The following PTPRD variants were observed in gnomAD, a reference collection of about 807,000 sequenced individuals.
PTPRD encodes protein tyrosine phosphatase receptor type D, also known as receptor-type tyrosine-protein phosphatase delta.
PTPRD carries 34 observed loss-of-function variants against 214.5 expected under a neutral mutation model. The observed-to-expected ratio is 0.16, with a 90% confidence interval of 0.12 to 0.21. The LOEUF is 0.21. Ranked by LOEUF, PTPRD falls within the 10% of genes least tolerant of loss-of-function variation. The pLI is 1.00. For synonymous variants in PTPRD, 1,128 were observed against 845.7 expected (o/e 1.33, Z -5.79); for missense variants, 2,545 against 2,398.7 (o/e 1.06, Z -1.27).
intron 9 of PTPRD, among the ~76,000 whole-genome samples, chr9:9,298,806 T>C (rs947021575): frequency 6.6e-6 from 1 of 151,792 alleles, no homozygotes; most frequent in Non-Finnish European, 1.5e-5. Flanking sequence ...AGCTGTTCAA[T>C]AGAAGTTCAT....
chr9:8,932,916 T>C (rs2154284185), intron 11 of PTPRD, among the ~76,000 whole-genome samples: 1 of 152,122 alleles, frequency 6.6e-6, no homozygotes, highest in Non-Finnish European at 1.5e-5. Context: ...ACCACTGAGG[T>C]ATGAAAAACT....
intron 9 of PTPRD, among the ~76,000 whole-genome samples, chr9:9,229,639 T>C (rs963196459): frequency 1.2e-4 from 19 of 152,052 alleles, no homozygotes; most frequent in African/African-American, 4.6e-4. Context: ...CATGATGGAA[T>C]GAAACAACTC....
At chr9:9,221,110 T>C (rs2099955708) in intron 9 of PTPRD, among the ~76,000 whole-genome samples, 1 of 152,090 alleles carries the variant, frequency 6.6e-6, no homozygotes, top group Admixed American at 6.6e-5. Flanking sequence ...TTTTCAAGTA[T>C]CGGCCTGGAA....
intron 10 of PTPRD, among the ~76,000 whole-genome samples, chr9:9,061,991 G>C (rs2099708393): frequency 6.6e-6 from 1 of 151,892 alleles, no homozygotes; most frequent in Non-Finnish European, 1.5e-5. Flanking sequence ...AGATGCCTCT[G>C]AACATGAAAC....
chr9:9,822,168 T>C (rs1175699081), intron 5 of PTPRD, among the ~76,000 whole-genome samples: 1 of 150,674 alleles, frequency 6.6e-6, no homozygotes, highest in East Asian at 1.9e-4. Context: ...TTTTTCGCAC[T>C]TTGGGAGGCT....
At chr9:8,930,042 T>C (rs1179662572) in intron 11 of PTPRD, among the ~76,000 whole-genome samples, 1 of 151,772 alleles carries the variant, frequency 6.6e-6, no homozygotes, top group Non-Finnish European at 1.5e-5. Flanking sequence ...ACATGTACCA[T>C]GTTGGTGTGC....
intron 3 of PTPRD, among the ~76,000 whole-genome samples, chr9:10,293,259 A>C (rs1344226220): frequency 6.6e-6 from 1 of 151,950 alleles, no homozygotes; most frequent in Non-Finnish European, 1.5e-5. Context: ...AGGTATAGAA[A>C]AAAAATTGGA....
At chr9:10,440,803 C>T (rs1314386160) in intron 2 of PTPRD, among the ~76,000 whole-genome samples, 1 of 151,656 alleles carries the variant, frequency 6.6e-6, no homozygotes, top group African/African-American at 2.4e-5. Flanking sequence ...AACACAAATC[C>T]TGTCTGGATC....
intron 3 of PTPRD, among the ~76,000 whole-genome samples, chr9:10,156,895 T>G (rs980921808): frequency 1.4e-4 from 22 of 152,214 alleles, no homozygotes; most frequent in African/African-American, 5.3e-4. Context: ...AACACCCTTC[T>G]TTGTCTTTTT....
intron 2 of PTPRD, among the ~76,000 whole-genome samples, chr9:10,468,539 C>A (rs2071253015): frequency 6.6e-6 from 1 of 152,224 alleles, no homozygotes; most frequent in South Asian, 2.1e-4. Flanking sequence ...AAAAGAAATA[C>A]TTAATGTAGA....
chr9:10,043,285 A>G (rs2097329645), intron 3 of PTPRD, among the ~76,000 whole-genome samples: 1 of 152,000 alleles, frequency 6.6e-6, no homozygotes, highest in African/African-American at 2.4e-5. Flanking sequence ...AGTGAATAAA[A>G]TCACATGGGT....
chr9:8,896,744 A>C (rs1483927836), intron 11 of PTPRD, among the ~76,000 whole-genome samples: 1 of 152,312 alleles, frequency 6.6e-6, no homozygotes, highest in Middle Eastern at 3.4e-3. Flanking sequence ...ATTATAGATG[A>C]GTGCAATTAA....
At chr9:9,313,200 G>C (rs751122270) in intron 9 of PTPRD, among the ~76,000 whole-genome samples, 7 of 152,062 alleles carry the variant, frequency 4.6e-5, no homozygotes, top group Admixed American at 3.9e-4. Context: ...GCAGTTTCCG[G>C]TAAGTTACTG....
chr9:9,941,400 G>A (rs1252227555), intron 4 of PTPRD, among the ~76,000 whole-genome samples: 1 of 152,166 alleles, frequency 6.6e-6, no homozygotes, highest in Non-Finnish European at 1.5e-5. Flanking sequence ...TCAGCTCGCT[G>A]CAATTTCTGC....
At chr9:9,250,219 G>A (rs770972951) in intron 9 of PTPRD, among the ~76,000 whole-genome samples, 1 of 152,088 alleles carries the variant, frequency 6.6e-6, no homozygotes, top group Non-Finnish European at 1.5e-5. Flanking sequence ...ATGAGCATGT[G>A]TAGCTTCATA....
chr9:9,593,760 T>G (rs972096797), intron 7 of PTPRD, among the ~76,000 whole-genome samples: 14 of 152,038 alleles, frequency 9.2e-5, no homozygotes, highest in Admixed American at 7.9e-4. Context: ...ATTTTTCACC[T>G]GATTATTAGC....
chr9:10,198,929 T>C (rs187969565), intron 3 of PTPRD, among the ~76,000 whole-genome samples: 68 of 152,234 alleles, frequency 4.5e-4, no homozygotes, highest in African/African-American at 1.5e-3. Flanking sequence ...TTTTTCAGAA[T>C]TGTCCTTTTA....
At chr9:8,705,965 T>C (rs958763694) in intron 12 of PTPRD, among the ~76,000 whole-genome samples, 1 of 152,206 alleles carries the variant, frequency 6.6e-6, no homozygotes, top group African/African-American at 2.4e-5. Context: ...ACTGTATCCA[T>C]ATGTGTAAAT....
intron 3 of PTPRD, among the ~76,000 whole-genome samples, chr9:10,059,597 G>C (rs1288710241): frequency 2.0e-5 from 3 of 151,938 alleles, no homozygotes; most frequent in Non-Finnish European, 2.9e-5. Flanking sequence ...CTTAGCATTT[G>C]AACAGATTGT....
Sources: gnomAD v4.1 joint callset for allele counts (sites outside exome capture counted in the v4.1 genomes callset) on GRCh38, gnomAD v4.1.1 for gene constraint, MANE v1.5 for transcripts, NCBI Gene and HGNC (gene_info 2026-07-23, HGNC 2026-07-21) for gene names.